Variants in CASQ2 observed in about 807,000 individuals in gnomAD.
The protein encoded by CASQ2 is calsequestrin-2.
A neutral mutation model predicts 46.5 loss-of-function variants in CASQ2; 49 were observed. The observed-to-expected ratio is 1.05, with a 90% CI of 0.84 to 1.34. The LOEUF is 1.34. Ranked by LOEUF, CASQ2 falls within the 40% of genes most tolerant of loss-of-function variation. The pLI is 0.00. For missense variants in CASQ2, 486 were observed against 481.3 expected, an observed-to-expected ratio of 1.01 and a Z score of -0.09; for synonymous variants, 174 against 168.5, an observed-to-expected ratio of 1.03 and a Z score of -0.25.
At chr1:115,742,887 C>T (rs1462397689) in intron 2 of CASQ2, among the ~76,000 whole-genome samples, 1 of 152,076 alleles carries the variant, frequency 6.6e-6, no homozygotes, top group African/African-American at 2.4e-5. Flanking sequence ...CTCCCAGGTT[C>T]ACGCCATTCT....
chr1:115,703,339 C>T (rs1654269216), intron 9 of CASQ2, among the ~76,000 whole-genome samples: 1 of 152,108 alleles, frequency 6.6e-6, no homozygotes, highest in South Asian at 2.1e-4. Flanking sequence ...TTAAAAATAC[C>T]TTATCTTGTG....
chr1:115,728,662 C>T (rs531173500), intron 5 of CASQ2, among the ~76,000 whole-genome samples: 1 of 152,296 alleles, frequency 6.6e-6, no homozygotes, highest in Admixed American at 6.5e-5. Flanking sequence ...GTGCCAGGCA[C>T]TGCTGCCAGG....
At chr1:115,762,043 A>G (rs778349457) in intron 1 of CASQ2, among the ~76,000 whole-genome samples, 4 of 152,218 alleles carry the variant, frequency 2.6e-5, no homozygotes, top group Non-Finnish European at 4.4e-5. Flanking sequence ...CTTAAGCAGG[A>G]AAAGCAGAAG....
intron 1 of CASQ2, among the ~76,000 whole-genome samples, chr1:115,765,457 C>T (rs1649103731): frequency 6.6e-6 from 1 of 152,094 alleles, no homozygotes; most frequent in Non-Finnish European, 1.5e-5. Flanking sequence ...GTGTGAGGAG[C>T]TATGAGTTTC....
intron 4 of CASQ2, 136 bp downstream of exon 4, chr1:115,738,088 G>T: frequency 1.4e-6 from 1 of 735,758 alleles, no homozygotes; most frequent in Non-Finnish European, 2.5e-6. Context: ...ACTGTGTTAG[G>T]CTCAGGAAGA....
chr1:115,754,270 AG>A (rs1215546076), intron 1 of CASQ2, among the ~76,000 whole-genome samples: 1 of 152,124 alleles, frequency 6.6e-6, no homozygotes, highest in Non-Finnish European at 1.5e-5. Flanking sequence ...GGGCCTCTTT[AG>A]GGCTGGAATA....
At chr1:115,761,499 GAAGAA>G (rs1422652684) in intron 1 of CASQ2, among the ~76,000 whole-genome samples, 1 of 89,634 alleles carries the variant, frequency 1.1e-5, no homozygotes, top group Non-Finnish European at 2.3e-5. Context: ...AGAAGAAGGA[GAAGAA>G]GAAGAAGAAG....
At chr1:115,717,729 CTTGCAG>C in intron 8 of CASQ2, 105 bp downstream of exon 8, 1 of 854,424 alleles carries the variant, frequency 1.2e-6, no homozygotes, top group Non-Finnish European at 2.0e-6. Context: ...TGCCCAATAT[CTTGCAG>C]TTGCATTGTG....
intron 1 of CASQ2, among the ~76,000 whole-genome samples, chr1:115,761,488 G>GAAGAAGAAGAAGAAGAAGAAGAAGAAGA (rs1557806828): frequency 2.3e-4 from 3 of 13,128 alleles, no homozygotes; most frequent in East Asian, 1.7e-3. Context: ...GAAGAAGAAG[G>GAAGAAGAAGAAGAAGAAGAAGAAGAAGA]AGAAGAAGGA....
At chr1:115,745,849 C>G (rs543641511) in intron 1 of CASQ2, among the ~76,000 whole-genome samples, 1 of 152,156 alleles carries the variant, frequency 6.6e-6, no homozygotes, top group African/African-American at 2.4e-5. Context: ...TTTCCCTCAA[C>G]AGTAACATCT....
At chr1:115,756,054 C>T (rs905876692) in intron 1 of CASQ2, among the ~76,000 whole-genome samples, 1 of 152,196 alleles carries the variant, frequency 6.6e-6, no homozygotes, top group African/African-American at 2.4e-5. Context: ...GTTAGATATC[C>T]GAGGCCAGAG....
chr1:115,735,838 C>T (rs1156345248), intron 4 of CASQ2, among the ~76,000 whole-genome samples: 3 of 152,058 alleles, frequency 2.0e-5, no homozygotes, highest in Non-Finnish European at 4.4e-5. Context: ...TGAATTATGT[C>T]CAATGGCAAA....
chr1:115,722,019 C>T (rs1647394163), intron 7 of CASQ2, among the ~76,000 whole-genome samples: 2 of 152,182 alleles, frequency 1.3e-5, no homozygotes, highest in South Asian at 2.1e-4. Flanking sequence ...TGGAAAGTGG[C>T]TCCTCAGAGG....
At chr1:115,752,760 A>G (rs1648626416) in intron 1 of CASQ2, among the ~76,000 whole-genome samples, 1 of 152,216 alleles carries the variant, frequency 6.6e-6, no homozygotes, top group East Asian at 1.9e-4. Flanking sequence ...TAGAAGAGTA[A>G]TATGACTAAG....
At chr1:115,724,249 T>C (rs541477240) in intron 7 of CASQ2, among the ~76,000 whole-genome samples, 1 of 152,324 alleles carries the variant, frequency 6.6e-6, no homozygotes, top group South Asian at 2.1e-4. Context: ...GTGATTAATC[T>C]GTATGAGCGT....
At chr1:115,764,442 T>C (rs1649066415) in intron 1 of CASQ2, among the ~76,000 whole-genome samples, 1 of 152,182 alleles carries the variant, frequency 6.6e-6, no homozygotes, top group Non-Finnish European at 1.5e-5. Context: ...ATTATCCATG[T>C]TTATTTTGGT....
chr1:115,743,689 C>CT (rs200989847), intron 2 of CASQ2, among the ~76,000 whole-genome samples: 8,648 of 143,708 alleles, frequency 0.06, 861 homozygotes, highest in African/African-American at 0.2. Flanking sequence ...CACCACTAAT[C>CT]TTTTTTTTTT....
intron 1 of CASQ2, among the ~76,000 whole-genome samples, chr1:115,750,214 A>G (rs1238769697): frequency 1.3e-5 from 2 of 152,254 alleles, no homozygotes; most frequent in African/African-American, 4.8e-5. Flanking sequence ...AAAAAGGTAG[A>G]GTCAATATAT....
At chr1:115,753,504 C>CA (rs11440911) in intron 1 of CASQ2, among the ~76,000 whole-genome samples, 137,079 of 152,174 alleles carry the variant, frequency 0.9, 62,598 homozygotes, top group South Asian at 0.98. Context: ...AGACAGAAGC[C>CA]AAGCACTGGG....
Sources: gnomAD v4.1 joint callset for allele counts (sites outside exome capture counted in the v4.1 genomes callset) on GRCh38, gnomAD v4.1.1 for gene constraint, MANE v1.5 for transcripts, NCBI Gene and HGNC (gene_info 2026-07-23, HGNC 2026-07-21) for gene names.